The following CRIM1 variants were observed in gnomAD, a reference collection of about 807,000 sequenced individuals.
CRIM1 encodes the protein cysteine-rich motor neuron 1 protein.
In CRIM1, 32 loss-of-function variants were observed where a neutral mutation model predicts 116.4. The observed-to-expected ratio is 0.27, with a 90% confidence interval of 0.21 to 0.37. CRIM1 has a LOEUF of 0.37. Ranked by LOEUF, CRIM1 falls within the 10% of genes least tolerant of loss-of-function variation. The pLI, the probability that CRIM1 is intolerant of heterozygous loss-of-function variation, is 1.00. For missense variants in CRIM1, 1,331 were observed against 1,354.8 expected (o/e 0.98, Z 0.28); for synonymous variants, 590 against 509.2 (o/e 1.16, Z -2.13).
intron 3 of CRIM1, 88 bp downstream of exon 3, chr2:36,441,588 A>G: frequency 6.7e-7 from 1 of 1,502,100 alleles, no homozygotes; most frequent in South Asian, 1.2e-5. Flanking sequence ...CTCTCCTTTC[A>G]CACGAAGATG....
In CRIM1 at chr2:36,476,921, G is replaced by A. The variant is rs1679017643; in HGVS notation, c.1024G>A (p.Glu342Lys). 4 of 1,613,796 alleles carry A rather than the reference G, an allele frequency of 2.5e-6. No individual in the cohort carries two copies. Among genetic ancestry groups the A allele is most frequent in the African/African-American group, 2.7e-5 (2 of 74,922 alleles). ...GCCAGCCTGCGTATTTAACAATGTG[G>A]AATATTATGATGGAGACATGTTTCG... The part of the protein sequence containing the change: ...TKPACVFNNV[E>K]YYDGDMFRMD... The change falls in exon 6 of 17, where the codon GAA (glutamate) becomes AAA (lysine). Residue 342 changes from glutamate to lysine, a missense_variant. Glu to Lys is a moderately conservative substitution (Grantham distance 56). This residue lies in a region of CRIM1 where 690 missense variants were observed against 676.0 expected (regional missense o/e 1.02). Transcript: ENST00000280527.
intron 3 of CRIM1, 129 bp from the exon 4 acceptor site, chr2:36,442,486 C>T (rs1016360800): frequency 8.6e-6 from 9 of 1,044,392 alleles, no homozygotes; most frequent in South Asian, 2.9e-5. Flanking sequence ...AGTAACATGT[C>T]GACACTAGGA....
At chr2:36,439,396 G>A (rs1361919736) in intron 2 of CRIM1, among the ~76,000 whole-genome samples, 1 of 152,144 alleles carries the variant, frequency 6.6e-6, no homozygotes, top group Non-Finnish European at 1.5e-5. Flanking sequence ...GAAGGGACCT[G>A]TTTTTCTGAA....
At chr2:36,512,035 CT>C (rs1424043232) in intron 9 of CRIM1, among the ~76,000 whole-genome samples, 1 of 152,212 alleles carries the variant, frequency 6.6e-6, no homozygotes, top group Non-Finnish European at 1.5e-5. Context: ...CATTGAGATT[CT>C]GAGAGCCACA....
intron 8 of CRIM1, among the ~76,000 whole-genome samples, chr2:36,506,181 TCACACACACACACACA>T (rs3076519): frequency 2.5e-5 from 3 of 120,868 alleles, no homozygotes; most frequent in Admixed American, 8.7e-5. Flanking sequence ...TCTCTCTCTC[TCACACACACACACACA>T]CACACACACA....
At chr2:36,379,141 A>G (rs938638807) in intron 1 of CRIM1, 1 of 152,026 alleles carries the variant, frequency 6.6e-6, no homozygotes, top group Non-Finnish European at 1.5e-5. Flanking sequence ...TCCTTTTTTT[A>G]GGTCTCTGTG....
chr2:36,359,193 T>C (rs1669056662), intron 1 of CRIM1, among the ~76,000 whole-genome samples: 1 of 152,202 alleles, frequency 6.6e-6, no homozygotes, highest in Admixed American at 6.5e-5. Flanking sequence ...TCTCTTTTGC[T>C]GCAATTTTTG....
chr2:36,481,911 C>T (rs1372302797), intron 7 of CRIM1, among the ~76,000 whole-genome samples: 1 of 152,138 alleles, frequency 6.6e-6, no homozygotes, highest in Admixed American at 6.5e-5. Context: ...GGGCAGTCAG[C>T]GGAGGCAAGG....
At chr2:36,442,969 C>T (rs143692998) in intron 4 of CRIM1, among the ~76,000 whole-genome samples, 14 of 152,236 alleles carry the variant, frequency 9.2e-5, no homozygotes, top group African/African-American at 3.1e-4. Flanking sequence ...GTAAGGGTGC[C>T]TGTACACTTT....
At chr2:36,450,029 TGTTA>T (rs1676578104) in intron 4 of CRIM1, among the ~76,000 whole-genome samples, 1 of 152,176 alleles carries the variant, frequency 6.6e-6, no homozygotes, top group South Asian at 2.1e-4. Flanking sequence ...AGTTGACTAT[TGTTA>T]GTTAACCTTT....
intron 8 of CRIM1, among the ~76,000 whole-genome samples, chr2:36,505,836 CAAAGCAAACA>C (rs1465070788): frequency 6.6e-5 from 10 of 152,112 alleles, no homozygotes; most frequent in Admixed American, 6.5e-4. Flanking sequence ...TAAATGTTTG[CAAAGCAAACA>C]TTGTAAGGAG....
intron 4 of CRIM1, among the ~76,000 whole-genome samples, chr2:36,445,566 C>T (rs1024240436): frequency 2.0e-5 from 3 of 152,184 alleles, no homozygotes; most frequent in African/African-American, 7.2e-5. Flanking sequence ...ATCAGCTATA[C>T]GATGTTCCTA....
In CRIM1 at chr2:36,537,429, A is replaced by T; in HGVS notation, c.2506A>T (p.Ser836Cys). Residue 836 changes from serine (S) to cysteine (C), a missense_variant, in exon 14 of 17, where the codon AGC becomes TGC. Physicochemically the swap from Ser to Cys is moderately radical, Grantham distance 112. Coordinates refer to ENST00000280527, the MANE Select transcript of CRIM1 (RefSeq NM_016441.3). ...YADEERWDLD[S>C]CTHCYCLQGQ... Reference sequence around the variant, plus strand: ...CGACGAGGAGCGGTGGGACCTTGACAGCTGCACCCACTGCTACTGCCTGCA... The same window carrying T: ...CGACGAGGAGCGGTGGGACCTTGACTGCTGCACCCACTGCTACTGCCTGCA... 6.2e-7 allele frequency: 1 copy of T among 1,614,194 alleles called. No individual in the cohort carries two copies. The highest frequency in any genetic ancestry group is 8.5e-7 in the Non-Finnish European group (1 of 1,180,030).
chr2:36,414,861 G>A (rs1366350047), intron 2 of CRIM1, among the ~76,000 whole-genome samples: 1 of 152,194 alleles, frequency 6.6e-6, no homozygotes, highest in Admixed American at 6.5e-5. Context: ...ACATGGTAAG[G>A]AGTTTGGATT....
At position 36,522,224 on chromosome 2, in the gene CRIM1, G is replaced by A. The variant is rs760992748; in HGVS notation, c.2339G>A (p.Ser780Asn). 6.8e-6 allele frequency: 11 copies of A among 1,614,068 alleles called. No individual in the cohort carries two copies. Among genetic ancestry groups the A allele is most frequent in the Non-Finnish European group, 9.3e-6 (11 of 1,180,032 alleles). The part of the protein sequence containing the change: ...DVCTSCICID[S>N]VISCFSESCP... ...TGTACCAGCTGCATCTGCATTGATA[G>A]CGTAATTAGCTGTTTCTCTGAGTCC... Residue 780 changes from serine to asparagine, a missense_variant, in exon 13 of 17, where the codon AGC (serine) becomes AAC (asparagine). Coordinates refer to ENST00000280527, the MANE Select transcript of CRIM1 (RefSeq NM_016441.3).
At chr2:36,515,544 C>G (rs545467888) in intron 11 of CRIM1, among the ~76,000 whole-genome samples, 7 of 152,338 alleles carry the variant, frequency 4.6e-5, no homozygotes, top group African/African-American at 1.7e-4. Flanking sequence ...TTTCTCCCCT[C>G]TTCATTCCAA....
At chr2:36,408,072 G>T (rs1251000293) in intron 2 of CRIM1, among the ~76,000 whole-genome samples, 1 of 152,146 alleles carries the variant, frequency 6.6e-6, no homozygotes, top group Admixed American at 6.5e-5. Flanking sequence ...TAGGTGAGCA[G>T]GTTTTGCTAC....
At chr2:36,506,229 C>T (rs1681410760) in intron 8 of CRIM1, among the ~76,000 whole-genome samples, 1 of 148,592 alleles carries the variant, frequency 6.7e-6, no homozygotes, top group South Asian at 2.1e-4. Context: ...AGATTAGGAC[C>T]ATGTAGATAC....
At chr2:36,390,184 G>A (rs542824876) in intron 1 of CRIM1, among the ~76,000 whole-genome samples, 1 of 152,122 alleles carries the variant, frequency 6.6e-6, no homozygotes, top group South Asian at 2.1e-4. Flanking sequence ...GGTGTTTCCT[G>A]CCTTGGCAAT....
Sources: gnomAD v4.1 joint callset for allele counts (sites outside exome capture counted in the v4.1 genomes callset) on GRCh38, gnomAD v4.1.1 for gene constraint, gnomAD v4.1.1 regional missense constraint, MANE v1.5 for transcripts, NCBI Gene and HGNC (gene_info 2026-07-23, HGNC 2026-07-21) for gene names.